The following MYO3B variants were observed in gnomAD, a reference collection of about 807,000 sequenced individuals.
The protein encoded by MYO3B is myosin-IIIb.
Under a neutral mutation model 174.6 loss-of-function variants are expected in MYO3B, and 156 were observed. That is an observed-to-expected ratio of 0.89 (90% CI 0.78 to 1.02). The LOEUF is 1.02. Among genes scored for constraint, MYO3B ranks in the 50% least tolerant of loss-of-function variants. The pLI is 0.00. For missense variants in MYO3B, 1,632 were observed against 1,639.4 expected (o/e 1.00, Z 0.08); for synonymous variants, 563 against 569.1 (o/e 0.99, Z 0.15).
intron 8 of MYO3B, among the ~76,000 whole-genome samples, chr2:170,356,110 GC>G (rs1290692275): frequency 4.0e-5 from 6 of 150,820 alleles, no homozygotes; most frequent in African/African-American, 1.2e-4. Flanking sequence ...ACAGGTGCCC[GC>G]CACCATGCCC....
At chr2:170,324,091 C>G (rs1488587514) in intron 7 of MYO3B, among the ~76,000 whole-genome samples, 4 of 152,092 alleles carry the variant, frequency 2.6e-5, no homozygotes, top group African/African-American at 7.2e-5. Context: ...TGGGCGAAAT[C>G]CTAGAGGCAG....
intron 32 of MYO3B, among the ~76,000 whole-genome samples, chr2:170,610,593 T>A (rs1337295955): frequency 6.6e-6 from 1 of 152,232 alleles, no homozygotes; most frequent in East Asian, 1.9e-4. Context: ...GGTAGCTTTC[T>A]CAAATGAATT....
rs570245771 is a variant in MYO3B, at chr2:170,447,663, G to A, written c.2730+3617G>A. Reference sequence around the variant, plus strand: ...ACCCAGTGGGTTCATCTTGGCCACTGCCTAGACAGAGCCAATTGATCAAGA... The same window carrying A: ...ACCCAGTGGGTTCATCTTGGCCACTACCTAGACAGAGCCAATTGATCAAGA... On this transcript the variant is annotated intron_variant, in intron 23 of 34. Transcript: ENST00000408978. Among the ~76,000 whole-genome samples the A allele has an allele frequency of 2.6e-5, 4 of 152,320 alleles. No individual in the cohort carries two copies. In the South Asian group the frequency reaches 6.2e-4, roughly 24 times the overall value.
At chr2:170,528,540 G>A (rs1689142941) in intron 30 of MYO3B, among the ~76,000 whole-genome samples, 1 of 152,038 alleles carries the variant, frequency 6.6e-6, no homozygotes. Flanking sequence ...TGACTAGCTG[G>A]GACTATAGCT....
At chr2:170,557,399 A>T (rs1004894910) in intron 32 of MYO3B, among the ~76,000 whole-genome samples, 1 of 152,170 alleles carries the variant, frequency 6.6e-6, no homozygotes, top group Non-Finnish European at 1.5e-5. Flanking sequence ...TCTGCCTCCC[A>T]AAGTGCTATT....
intron 6 of MYO3B, among the ~76,000 whole-genome samples, chr2:170,234,544 C>A (rs937355241): frequency 2.0e-5 from 3 of 152,218 alleles, no homozygotes. Flanking sequence ...GAGGCATGTT[C>A]AGACCATAGC....
chr2:170,362,365 C>A (rs573698420), intron 8 of MYO3B, among the ~76,000 whole-genome samples: 1 of 152,150 alleles, frequency 6.6e-6, no homozygotes, highest in Admixed American at 6.5e-5. Flanking sequence ...TTACTGTGGA[C>A]CTTTGGTGCT....
At chr2:170,466,785 G>C in intron 25 of MYO3B, 74 bp downstream of exon 25, 1 of 1,470,736 alleles carries the variant, frequency 6.8e-7, no homozygotes, top group African/African-American at 1.4e-5. Flanking sequence ...TCCTAAGATT[G>C]TTCCTCCTGC....
chr2:170,597,033 C>T (rs1694196003), intron 32 of MYO3B, among the ~76,000 whole-genome samples: 2 of 152,202 alleles, frequency 1.3e-5, no homozygotes, highest in South Asian at 4.2e-4. Context: ...AGCTGTCCAA[C>T]ATTTACCTTG....
intron 9 of MYO3B, 116 bp downstream of exon 9, chr2:170,369,493 G>A: frequency 1.7e-6 from 2 of 1,202,378 alleles, no homozygotes; most frequent in Non-Finnish European, 2.3e-6. Flanking sequence ...ATTTTTAAGA[G>A]TTTTATTTAC....
At chr2:170,639,289 A>T (rs753023799) in intron 32 of MYO3B, among the ~76,000 whole-genome samples, 28 of 152,202 alleles carry the variant, frequency 1.8e-4, no homozygotes, top group Non-Finnish European at 3.2e-4. Context: ...TGGGTCCCTA[A>T]GCATCAGATC....
chr2:170,529,580 C>T (rs1472049063), intron 30 of MYO3B, among the ~76,000 whole-genome samples: 5 of 152,140 alleles, frequency 3.3e-5, no homozygotes, highest in African/African-American at 1.2e-4. Context: ...TTCTCCATCC[C>T]TCATCCCCTT....
chr2:170,309,310 C>A (rs1216766950), intron 7 of MYO3B, among the ~76,000 whole-genome samples: 1 of 152,172 alleles, frequency 6.6e-6, no homozygotes, highest in Non-Finnish European at 1.5e-5. Flanking sequence ...ATAGTCAAAA[C>A]TATTACTGAT....
intron 32 of MYO3B, among the ~76,000 whole-genome samples, chr2:170,581,922 A>T (rs780901698): frequency 1.3e-5 from 2 of 152,226 alleles, no homozygotes; most frequent in Non-Finnish European, 2.9e-5. Flanking sequence ...GAAAGGAGAC[A>T]AAAGATGTGT....
chr2:170,438,834 C>T (rs191708250), intron 22 of MYO3B, among the ~76,000 whole-genome samples: 1 of 152,044 alleles, frequency 6.6e-6, no homozygotes, highest in African/African-American at 2.4e-5. Flanking sequence ...AGGGTTTCAC[C>T]ATATTGGCCA....
rs748364521 is a variant in MYO3B, at chr2:170,653,406, T to A, written c.*285T>A. ...TTACAATAGTTTAAACAGTCATTCA[T>A]GCCCCCAGTGTCTAGGAAGATAACA... On this transcript the variant is annotated 3_prime_UTR_variant, in exon 35 of 35. Transcript: ENST00000408978. 1.3e-5 allele frequency: 5 copies of A among 382,092 alleles called. No individual in the cohort carries two copies. The highest frequency in any genetic ancestry group is 2.4e-5 in the Non-Finnish European group (5 of 211,344). The allele number at this position is 382,092 out of a possible 1,614,324, so 23.7% of individuals were successfully genotyped here. A position where few individuals can be genotyped will look rare whatever the true frequency, so the allele number is the denominator to read the frequency against.
intron 7 of MYO3B, among the ~76,000 whole-genome samples, chr2:170,239,920 C>T (rs1305275866): frequency 6.6e-6 from 1 of 151,788 alleles, no homozygotes; most frequent in East Asian, 1.9e-4. Flanking sequence ...GCCACACTCC[C>T]TTTGAAGACT....
chr2:170,552,998 G>C (rs1458661516), intron 32 of MYO3B, among the ~76,000 whole-genome samples: 1 of 152,196 alleles, frequency 6.6e-6, no homozygotes, highest in Non-Finnish European at 1.5e-5. Flanking sequence ...GCCTGTGGGT[G>C]CACAAAAACA....
chr2:170,485,109 G>A (rs1685952532), intron 25 of MYO3B, among the ~76,000 whole-genome samples: 1 of 151,930 alleles, frequency 6.6e-6, no homozygotes, highest in East Asian at 1.9e-4. Flanking sequence ...GACTGGGGGC[G>A]TTTCTACTTA....
Sources: gnomAD v4.1 joint callset for allele counts (sites outside exome capture counted in the v4.1 genomes callset) on GRCh38, gnomAD v4.1.1 for gene constraint, MANE v1.5 for transcripts, NCBI Gene and HGNC (gene_info 2026-07-23, HGNC 2026-07-21) for gene names.